Variants in NKAIN2 observed in about 807,000 individuals in gnomAD.
The protein encoded by NKAIN2 is sodium/potassium-transporting ATPase subunit beta-1-interacting protein 2.
A neutral mutation model predicts 32.6 loss-of-function variants in NKAIN2; 14 were observed. The observed-to-expected ratio is 0.43, with a 90% confidence interval of 0.28 to 0.67. The LOEUF (loss-of-function observed/expected upper bound fraction) is 0.67, where lower values mean the gene tolerates loss of function less well. Among genes scored for constraint, NKAIN2 ranks in the 30% least tolerant of loss-of-function variants. NKAIN2 has a pLI of 0.17. For synonymous variants in NKAIN2, 80 were observed against 87.2 expected (o/e 0.92, Z 0.46); for missense variants, 198 against 258.3 (o/e 0.77, Z 1.60).
intron 1 of NKAIN2, among the ~76,000 whole-genome samples, chr6:124,001,759 A>G (rs1779883941): frequency 6.7e-6 from 1 of 148,990 alleles, no homozygotes; most frequent in Non-Finnish European, 1.5e-5. Flanking sequence ...TTCAGTGTTT[A>G]TACAACTTTT....
intron 3 of NKAIN2, among the ~76,000 whole-genome samples, chr6:124,407,771 A>T (rs1364861337): frequency 6.6e-6 from 1 of 151,636 alleles, no homozygotes; most frequent in Non-Finnish European, 1.5e-5. Context: ...GAATGGCCAC[A>T]CTGACTTCCA....
In NKAIN2 at chr6:123,893,213, T is replaced by TA. The variant is rs550328523; in HGVS notation, c.54+88959_54+88960insA. ...TGTATAATATTATAGAATATATATA[T>TA]TTTTTAAGACCAGGTCTCACCCTGT... On this transcript the variant is annotated intron_variant, in intron 1 of 6. Coordinates refer to ENST00000368417, the MANE Select transcript of NKAIN2 (RefSeq NM_001040214.3). Among the ~76,000 whole-genome samples, 213 of 152,146 alleles carry TA rather than the reference T, an allele frequency of 1.4e-3. 1 individual carries two copies. Among genetic ancestry groups the TA allele is most frequent in the African/African-American group, 4.8e-3 (201 of 41,508 alleles).
intron 3 of NKAIN2, among the ~76,000 whole-genome samples, chr6:124,537,418 C>A (rs1389265526): frequency 3.9e-5 from 6 of 152,112 alleles, no homozygotes; most frequent in African/African-American, 9.7e-5. Context: ...GTTATAGCAC[C>A]ACAAGTTGTT....
chr6:124,251,989 A>G (rs779204852), intron 1 of NKAIN2, among the ~76,000 whole-genome samples: 1 of 152,060 alleles, frequency 6.6e-6, no homozygotes, highest in Non-Finnish European at 1.5e-5. Flanking sequence ...TTTGATCACT[A>G]TATATTACAT....
intron 1 of NKAIN2, among the ~76,000 whole-genome samples, chr6:124,257,928 G>A (rs1167967941): frequency 2.6e-5 from 4 of 151,302 alleles, no homozygotes; most frequent in Admixed American, 6.6e-5. Context: ...ACAGGCACCC[G>A]CCACCAGCCC....
At chr6:124,437,027 G>A (rs1423308278) in intron 3 of NKAIN2, among the ~76,000 whole-genome samples, 1 of 152,034 alleles carries the variant, frequency 6.6e-6, no homozygotes, top group Non-Finnish European at 1.5e-5. Flanking sequence ...TCTGTCCTTC[G>A]AATGCCTTTC....
At chr6:124,351,910 C>T (rs907582062) in intron 2 of NKAIN2, among the ~76,000 whole-genome samples, 2 of 152,024 alleles carry the variant, frequency 1.3e-5, no homozygotes, top group Admixed American at 6.6e-5. Flanking sequence ...CCTGAGCCAC[C>T]GCGCCCGACC....
chr6:124,484,466 G>T (rs1777575120), intron 3 of NKAIN2, among the ~76,000 whole-genome samples: 1 of 152,072 alleles, frequency 6.6e-6, no homozygotes, highest in South Asian at 2.1e-4. Flanking sequence ...ACACAAATAG[G>T]CTCCAGCTTA....
intron 1 of NKAIN2, among the ~76,000 whole-genome samples, chr6:124,018,922 A>G (rs1322774128): frequency 3.9e-5 from 6 of 152,172 alleles, no homozygotes; most frequent in African/African-American, 1.2e-4. Context: ...TAACAAAGAC[A>G]TACTTGAGAC....
intron 3 of NKAIN2, among the ~76,000 whole-genome samples, chr6:124,424,869 G>A (rs1774914872): frequency 6.6e-6 from 1 of 152,106 alleles, no homozygotes; most frequent in African/African-American, 2.4e-5. Context: ...CAATGAACAT[G>A]AGGATACAGA....
intron 3 of NKAIN2, among the ~76,000 whole-genome samples, chr6:124,388,181 T>C (rs942666423): frequency 2.0e-5 from 3 of 147,080 alleles, no homozygotes; most frequent in Non-Finnish European, 3.0e-5. Flanking sequence ...TTATTAATTT[T>C]ACAAAAAAAA....
chr6:124,586,165 CT>C (rs139400411), intron 3 of NKAIN2, among the ~76,000 whole-genome samples: 2,652 of 152,196 alleles, frequency 0.017, 73 homozygotes, highest in African/African-American at 0.06. Context: ...GTGTTTTTGC[CT>C]TGTAGTTTTG....
chr6:124,030,339 G>A (rs1275078047), intron 1 of NKAIN2, among the ~76,000 whole-genome samples: 1 of 152,016 alleles, frequency 6.6e-6, no homozygotes, highest in Non-Finnish European at 1.5e-5. Flanking sequence ...CCCATCCCTG[G>A]TGCCAAAAAG....
chr6:124,652,477 C>T (rs1379714457), intron 3 of NKAIN2, among the ~76,000 whole-genome samples: 3 of 152,200 alleles, frequency 2.0e-5, no homozygotes, highest in African/African-American at 4.8e-5. Flanking sequence ...AGCTCTCAAT[C>T]GTTTCCACAT....
Position 124,558,570 on chromosome 6 carries a change from A to G in NKAIN2, c.274-99616A>G, listed in dbSNP as rs745976785. Among the ~76,000 whole-genome samples the G allele has an allele frequency of 2.0e-5, 3 of 152,174 alleles. No homozygotes were observed. In the East Asian group the frequency reaches 5.8e-4, roughly 29 times the overall value. The stretch of plus-strand genomic sequence containing the variant: ...TTATTCCTTTAAGGTCTATTTTTGG[A>G]ATGAAAGCCTGATCTGCTTTTCAAG... On this transcript the variant is annotated intron_variant, in intron 3 of 6. Transcript: ENST00000368417.
At chr6:124,065,991 G>A (rs186607815) in intron 1 of NKAIN2, among the ~76,000 whole-genome samples, 1 of 152,148 alleles carries the variant, frequency 6.6e-6, no homozygotes, top group African/African-American at 2.4e-5. Flanking sequence ...GTCTAGATGG[G>A]GAGATTAAAG....
intron 4 of NKAIN2, among the ~76,000 whole-genome samples, chr6:124,774,808 A>G (rs1778915497): frequency 6.6e-6 from 1 of 150,448 alleles, no homozygotes; most frequent in African/African-American, 2.5e-5. Flanking sequence ...GTGAGCCAAG[A>G]TCACACCATT....
intron 1 of NKAIN2, among the ~76,000 whole-genome samples, chr6:124,066,191 G>A (rs926682864): frequency 5.9e-5 from 9 of 152,106 alleles, no homozygotes; most frequent in Admixed American, 1.3e-4. Flanking sequence ...TGAGAATTAT[G>A]TATAAGGGTT....
At chr6:123,931,020 C>T (rs235699) in intron 1 of NKAIN2, among the ~76,000 whole-genome samples, 1 of 151,850 alleles carries the variant, frequency 6.6e-6, no homozygotes, top group Non-Finnish European at 1.5e-5. Flanking sequence ...GCGATGAAGG[C>T]GGGGCAGGTG....
Sources: allele counts gnomAD v4.1 joint callset (sites outside exome capture counted in the v4.1 genomes callset), GRCh38; gene constraint gnomAD v4.1.1; transcripts MANE v1.5; gene names NCBI Gene and HGNC (gene_info 2026-07-23, HGNC 2026-07-21).